Variants in SRMS observed in about 807,000 individuals in gnomAD.
SRMS encodes the protein src-related kinase lacking C-terminal regulatory tyrosine and N-terminal myristylation sites, also known as tyrosine-protein kinase Srms.
In SRMS, 42 loss-of-function variants were observed where a neutral mutation model predicts 43.5. That is an observed-to-expected ratio of 0.97 (90% CI 0.75 to 1.25). The LOEUF is 1.25. SRMS is among the 50% of genes most tolerant of loss of function. SRMS has a pLI of 0.00. For missense variants in SRMS, 703 were observed against 681.0 expected, an observed-to-expected ratio of 1.03 and a Z score of -0.36; for synonymous variants, 316 against 308.2, an observed-to-expected ratio of 1.03 and a Z score of -0.27.
chr20:63,543,630 A>T, intron 2 of SRMS, 150 bp from the exon 3 acceptor site: 1 of 957,222 alleles, frequency 1.0e-6, no homozygotes, highest in Non-Finnish European at 1.5e-6. Flanking sequence ...TGGAGGAGGG[A>T]GTGTGGGCAG....
At position 63,541,262 on chromosome 20, in the gene SRMS, T is replaced by G; in HGVS notation, c.1214A>C (p.Gln405Pro). The G allele has an allele frequency of 6.4e-7, 1 of 1,569,622 alleles. No homozygotes were observed. Among genetic ancestry groups the G allele is most frequent in the Non-Finnish European group, 8.6e-7 (1 of 1,162,486 alleles). ...PEAANYRVFS[Q>P]KSDVWSFGVL... ...GCCGAAGGACCAGACGTCTGACTTC[T>G]GGGAGAAGACACGATAATTGGCCGC... The change falls in exon 7 of 8, where the codon CAG becomes CCG. Residue 405 changes from glutamine to proline, a missense_variant. Transcript: ENST00000217188.
Position 63,543,347 on chromosome 20 carries a change from G to C in SRMS, c.612C>G (p.Ile204Met). The C allele has an allele frequency of 6.2e-7, 1 of 1,612,736 alleles. No individual in the cohort carries two copies. The highest frequency in any genetic ancestry group is 8.5e-7 in the Non-Finnish European group (1 of 1,179,962). ...TGCAGGGCTGCAGCAGGGGGTTCTG[G>C]ATCAGCTTCCAGTTGGCCTTGTAGT... ...LTYYKANWKLIQNPLLQPCMP... is the reference protein window; with the variant it reads ...LTYYKANWKLMQNPLLQPCMP... Residue 204 changes from isoleucine to methionine, a missense_variant, in exon 3 of 8, where the codon ATC (isoleucine) becomes ATG (methionine). By Grantham distance (10) the Ile-to-Met change is conservative. Coordinates refer to ENST00000217188, the MANE Select transcript of SRMS (RefSeq NM_080823.4).
At chr20:63,545,904 C>A (rs1281987570) in intron 1 of SRMS, among the ~76,000 whole-genome samples, 1 of 152,142 alleles carries the variant, frequency 6.6e-6, no homozygotes, top group Non-Finnish European at 1.5e-5. Context: ...CATCGCCAGC[C>A]TCCTCTGAAG....
chr20:63,546,397 A>T (rs551718540), intron 1 of SRMS, among the ~76,000 whole-genome samples: 1 of 152,316 alleles, frequency 6.6e-6, no homozygotes, highest in South Asian at 2.1e-4. Flanking sequence ...GGCCTTGCCC[A>T]GCTGGATGCC....
Position 63,539,347 on chromosome 20 carries a change from GTC to G in SRMS, c.*1469_*1470del, listed in dbSNP as rs761251283. Among the ~76,000 whole-genome samples, 24 of 152,244 alleles carry G rather than the reference GTC, an allele frequency of 1.6e-4. No individual in the cohort carries two copies. The highest frequency in any genetic ancestry group is 3.2e-3 in the Middle Eastern group (1 of 316). ...GCCTCTTCCTTCCCCGGGGCCACCT[GTC>G]TCTGCACACGGGAGTCTCATCTCTT... is the stretch of plus-strand genomic sequence containing the variant. On this transcript the variant is annotated 3_prime_UTR_variant, in exon 8 of 8. Coordinates refer to ENST00000217188, the MANE Select transcript of SRMS (RefSeq NM_080823.4).
Position 63,541,493 on chromosome 20 carries a change from C to G in SRMS, c.1074G>C (p.Val358=), listed in dbSNP as rs2082703381. 1 of 1,608,760 alleles carries G rather than the reference C, an allele frequency of 6.2e-7. No homozygotes were observed. The highest frequency in any genetic ancestry group is 1.3e-5 in the African/African-American group (1 of 74,878). The change falls in exon 6 of 8, where the codon GTG becomes GTC. Residue 358 remains valine (V), a synonymous_variant. Transcript: ENST00000217188. ...HRDLAARNVL[V]DDGLACKVAD... ...CCACCTTGCAGGCCAGGCCGTCGTC[C>G]ACGAGCACGTTCCGGGCGGCCAAGT...
rs892490089 is a variant in SRMS at position 63,538,641 on chromosome 20, C to T, written c.*2177G>A. 1.4e-5 allele frequency among the ~76,000 whole-genome samples: 2 copies of T among 140,934 alleles called. No homozygotes were observed. Among genetic ancestry groups the T allele is most frequent in the Admixed American group, 1.6e-4 (2 of 12,550 alleles). 92.5% of individuals were successfully genotyped at this position (140,934 alleles called of 152,430 possible). A position where few individuals can be genotyped will look rare whatever the true frequency, so the allele number is the denominator to read the frequency against. On this transcript the variant is annotated 3_prime_UTR_variant, in exon 8 of 8. Coordinates refer to ENST00000217188, the MANE Select transcript of SRMS (RefSeq NM_080823.4). ...CGCTGACCAAGGTGGGGAGGGGCAGCGGGGTGCCGGCCTGGGCAGTGTCCC... is the reference window on the plus strand; with the variant it reads ...CGCTGACCAAGGTGGGGAGGGGCAGTGGGGTGCCGGCCTGGGCAGTGTCCC...
At chr20:63,546,730 C>T (rs1486896824) in intron 1 of SRMS, among the ~76,000 whole-genome samples, 3 of 152,204 alleles carry the variant, frequency 2.0e-5, no homozygotes, top group Non-Finnish European at 2.9e-5. Context: ...GCCCCCAGCC[C>T]CTGCCCTCCA....
At position 63,542,177 on chromosome 20, in the gene SRMS, T is replaced by C. The variant is rs779779088; in HGVS notation, c.932A>G (p.Gln311Arg). ...AGGGGACTCACTGCCCAGGAAGGCC[T>C]GCAGGTTCCCCTTGCGCATGAGTTC... ...VTELMRKGNLQAFLGTPEGRA... is the reference protein window; with the variant it reads ...VTELMRKGNLRAFLGTPEGRA... Residue 311 changes from glutamine to arginine, a missense_variant, in exon 5 of 8, where the codon CAG becomes CGG. Gln to Arg is a conservative substitution (Grantham distance 43). Transcript: ENST00000217188. The C allele has an allele frequency of 9.3e-6, 15 of 1,609,664 alleles. 1 individual carries two copies. The East Asian group carries it at 3.4e-4, about 36-fold the overall frequency.
rs1298061277 is a variant in SRMS at position 63,542,182 on chromosome 20, G to T, written c.927C>A (p.Asn309Lys). Residue 309 changes from asparagine to lysine, a missense_variant, in exon 5 of 8, where the codon AAC (asparagine) becomes AAA (lysine). Transcript: ENST00000217188. ...ACTCACTGCCCAGGAAGGCCTGCAG[G>T]TTCCCCTTGCGCATGAGTTCCGTGA... ...YIVTELMRKG[N>K]LQAFLGTPEG... The T allele has an allele frequency of 1.9e-6, 3 of 1,610,310 alleles. No individual in the cohort carries two copies. The highest frequency in any genetic ancestry group is 2.7e-5 in the African/African-American group (2 of 74,874).
At position 63,540,928 on chromosome 20, in the gene SRMS, C is replaced by A; in HGVS notation, c.1357G>T (p.Ala453Ser). 1 of 1,606,890 alleles carries A rather than the reference C, an allele frequency of 6.2e-7. No individual in the cohort carries two copies. The highest frequency in any genetic ancestry group is 8.5e-7 in the Non-Finnish European group (1 of 1,179,566). Residue 453 changes from alanine (A) to serine (S), a missense_variant, in exon 8 of 8, where the codon GCG (alanine) becomes TCG (serine). Transcript: ENST00000217188. ...YRLPRPAACP[A>S]EVYVLMLECW... Reference sequence around the variant, plus strand: ...TCCAGCATGAGCACGTAGACCTCCGCCGGGCAGGCAGCCGGGCGCGGCAGC... The same window carrying A: ...TCCAGCATGAGCACGTAGACCTCCGACGGGCAGGCAGCCGGGCGCGGCAGC...
At chr20:63,546,686 A>G (rs936074139) in intron 1 of SRMS, among the ~76,000 whole-genome samples, 1 of 148,980 alleles carries the variant, frequency 6.7e-6, no homozygotes, top group Non-Finnish European at 1.5e-5. Context: ...CGTCACCCAG[A>G]GCTCCTGGAG....
Position 63,541,281 on chromosome 20 carries a change from T to C in SRMS, c.1195A>G (p.Asn399Asp), listed in dbSNP as rs202022846. The change falls in exon 7 of 8, where the codon AAT becomes GAT. Residue 399 changes from asparagine to aspartate, a missense_variant. Coordinates refer to ENST00000217188, the MANE Select transcript of SRMS (RefSeq NM_080823.4). ...GACTTCTGGGAGAAGACACGATAAT[T>C]GGCCGCCTCAGGCGCTGTCCACTTG... ...PVKWTAPEAANYRVFSQKSDV... is the reference protein window; with the variant it reads ...PVKWTAPEAADYRVFSQKSDV... The C allele has an allele frequency of 2.6e-6, 4 of 1,567,158 alleles. No homozygotes were observed. The East Asian group carries it at 9.0e-5, about 35-fold the overall frequency.
intron 1 of SRMS, among the ~76,000 whole-genome samples, chr20:63,546,082 G>C (rs1006988358): frequency 1.1e-4 from 16 of 152,136 alleles, no homozygotes; most frequent in African/African-American, 3.9e-4. Context: ...CATTAGCTTT[G>C]CCTATGGACC....
rs1200373890 is a variant in SRMS at position 63,547,505 on chromosome 20, C to T, written c.-42G>A. ...GCTGGGCCCGAGGGCCATGGGAGCC[C>T]GCGAGCCCGGAAGAGGAACTGGCAG... On this transcript the variant is annotated 5_prime_UTR_variant, in exon 1 of 8. Coordinates refer to ENST00000217188, the MANE Select transcript of SRMS (RefSeq NM_080823.4). The T allele has an allele frequency of 6.3e-6, 9 of 1,428,554 alleles. No homozygotes were observed. The highest frequency in any genetic ancestry group is 3.0e-5 in the Admixed American group (1 of 33,186). 88.5% of individuals were successfully genotyped at this position (1,428,554 alleles called of 1,614,324 possible).
rs370726536 is a variant in SRMS at position 63,542,258 on chromosome 20, C to T, written c.851G>A (p.Arg284Gln). 25 of 1,612,570 alleles carry T rather than the reference C, an allele frequency of 1.6e-5. No individual in the cohort carries two copies. Among genetic ancestry groups the T allele is most frequent in the South Asian group, 1.1e-4 (10 of 91,082 alleles). ...GCACACTGCGTGCAGCCGGATGAGC[C>T]GCTCGTGCCGCAGGCCCTTCAGTGT... ...IQTLKGLRHE[R>Q]LIRLHAVCSG... The change falls in exon 5 of 8, where the codon CGG becomes CAG. Residue 284 changes from arginine (R) to glutamine (Q), a missense_variant. Coordinates refer to ENST00000217188, the MANE Select transcript of SRMS (RefSeq NM_080823.4).
Position 63,539,897 on chromosome 20 carries a change from C to G in SRMS, c.*921G>C, listed in dbSNP as rs926453435. 7.2e-5 allele frequency among the ~76,000 whole-genome samples: 11 copies of G among 152,326 alleles called. No individual in the cohort carries two copies. The highest frequency in any genetic ancestry group is 2.6e-4 in the African/African-American group (11 of 41,582). On this transcript the variant is annotated 3_prime_UTR_variant, in exon 8 of 8. Coordinates refer to ENST00000217188, the MANE Select transcript of SRMS (RefSeq NM_080823.4). ...CAAGGGCAGCTCCCAGGTCACCAAGCCTCCCGGCCCACCCTTCCTGTGCCA... is the reference window on the plus strand; with the variant it reads ...CAAGGGCAGCTCCCAGGTCACCAAGGCTCCCGGCCCACCCTTCCTGTGCCA...
rs372912151 is a variant in SRMS at position 63,541,600 on chromosome 20, G to T, written c.967C>A (p.Arg323Ser). The change falls in exon 6 of 8, where the codon CGT becomes AGT. Residue 323 changes from arginine (R) to serine (S), a missense_variant. Arg to Ser is a moderately radical substitution (Grantham distance 110, BLOSUM62 -1). Transcript: ENST00000217188. ...FLGTPEGRAL[R>S]LPPLLGFACQ... ...GCAAAGCCCAGGAGTGGCGGCAGAC[G>T]CAGGGCCCGGCCCTCGGGGGCTGCA... 4 of 1,556,844 alleles carry T rather than the reference G, an allele frequency of 2.6e-6. No homozygotes were observed. Among genetic ancestry groups the T allele is most frequent in the Admixed American group, 1.9e-5 (1 of 52,580 alleles).
At chr20:63,541,665 C>A in intron 5 of SRMS, 45 bp from the exon 6 acceptor site, 2 of 1,458,564 alleles carry the variant, frequency 1.4e-6, no homozygotes, top group Non-Finnish European at 1.8e-6. Flanking sequence ...GGGCCAACGG[C>A]CGGTGAGGCC....
Sources: allele counts gnomAD v4.1 joint callset (sites outside exome capture counted in the v4.1 genomes callset), GRCh38; gene constraint gnomAD v4.1.1; transcripts MANE v1.5; gene names NCBI Gene and HGNC (gene_info 2026-07-23, HGNC 2026-07-21).